The following TRIM44 variants were observed in gnomAD, a reference collection of about 807,000 sequenced individuals.
TRIM44 encodes tripartite motif-containing protein 44.
A neutral mutation model predicts 37.4 loss-of-function variants in TRIM44; 13 were observed. The ratio of observed to expected loss-of-function variants is 0.35; its 90% CI spans 0.23 to 0.55. TRIM44 has a LOEUF of 0.55. Ranked by LOEUF, TRIM44 falls within the 20% of genes least tolerant of loss-of-function variation. TRIM44 has a pLI of 0.89. For synonymous variants in TRIM44, 175 were observed against 157.2 expected, an observed-to-expected ratio of 1.11 and a Z score of -0.85; for missense variants, 426 against 437.2, an observed-to-expected ratio of 0.97 and a Z score of 0.23.
At chr11:35,771,874 G>C (rs1400561394) in intron 4 of TRIM44, among the ~76,000 whole-genome samples, 1 of 152,146 alleles carries the variant, frequency 6.6e-6, no homozygotes, top group Middle Eastern at 3.2e-3. Context: ...TGCATAAGGG[G>C]AGCCGAATGT....
At chr11:35,718,284 AC>A (rs1590538658) in intron 2 of TRIM44, among the ~76,000 whole-genome samples, 2 of 151,940 alleles carry the variant, frequency 1.3e-5, no homozygotes, top group East Asian at 3.8e-4. Context: ...TTTGATGGTC[AC>A]CCCACCCCCA....
At chr11:35,746,299 G>A (rs1852489823) in intron 4 of TRIM44, among the ~76,000 whole-genome samples, 1 of 152,138 alleles carries the variant, frequency 6.6e-6, no homozygotes, top group African/African-American at 2.4e-5. Flanking sequence ...CTCACCTGTG[G>A]ACAGCCACAG....
At chr11:35,765,406 T>G (rs1026634835) in intron 4 of TRIM44, among the ~76,000 whole-genome samples, 4 of 152,198 alleles carry the variant, frequency 2.6e-5, no homozygotes, top group Admixed American at 1.3e-4. Flanking sequence ...TATGACTAGT[T>G]CTTCCTAGGA....
At chr11:35,766,531 T>TCCTACATGCC (rs1852800851) in intron 4 of TRIM44, among the ~76,000 whole-genome samples, 1 of 152,348 alleles carries the variant, frequency 6.6e-6, no homozygotes, top group South Asian at 2.1e-4. Context: ...AACAGAGTGC[T>TCCTACATGCC]CCTACATGCC....
rs1852170213 is a variant in TRIM44, at chr11:35,726,021, A to G, written c.845A>G (p.Asp282Gly). Reference sequence around the variant, plus strand: ...GAGCAGAAGGCCCTTCATCTAGTGGACATCCAAGAGGCAATGGCCACAGCT... The same window carrying G: ...GAGCAGAAGGCCCTTCATCTAGTGGGCATCCAAGAGGCAATGGCCACAGCT... ...DEEQKALHLV[D>G]IQEAMATAHV... Residue 282 changes from aspartate (D) to glycine (G), a missense_variant, in exon 3 of 5, where the codon GAC becomes GGC. Physicochemically the swap from Asp to Gly is moderately conservative, Grantham distance 94 (BLOSUM62 -1). Transcript: ENST00000299413. 2 of 1,614,034 alleles carry G rather than the reference A, an allele frequency of 1.2e-6. No individual in the cohort carries two copies. Among genetic ancestry groups the G allele is most frequent in the Non-Finnish European group, 8.5e-7 (1 of 1,180,028 alleles).
chr11:35,784,276 A>G (rs1348653586), intron 4 of TRIM44, among the ~76,000 whole-genome samples: 1 of 152,194 alleles, frequency 6.6e-6, no homozygotes, highest in Admixed American at 6.5e-5. Flanking sequence ...TTTCAGATAC[A>G]TCTGTGCCAA....
intron 4 of TRIM44, among the ~76,000 whole-genome samples, chr11:35,746,190 A>AT (rs1021228374): frequency 6.6e-6 from 1 of 152,156 alleles, no homozygotes; most frequent in African/African-American, 2.4e-5. Flanking sequence ...CTTCATAGCT[A>AT]TTTTGGATTA....
At chr11:35,721,455 A>T (rs1347089410) in intron 2 of TRIM44, among the ~76,000 whole-genome samples, 1 of 152,220 alleles carries the variant, frequency 6.6e-6, no homozygotes, top group African/African-American at 2.4e-5. Context: ...AATAGTAAAT[A>T]CCATTATATT....
intron 4 of TRIM44, among the ~76,000 whole-genome samples, chr11:35,747,225 A>C (rs1404862467): frequency 2.0e-5 from 3 of 152,256 alleles, no homozygotes. Flanking sequence ...GTCCAGGGTT[A>C]ATAGTTATCC....
intron 4 of TRIM44, among the ~76,000 whole-genome samples, chr11:35,748,852 A>G (rs1852527227): frequency 6.6e-6 from 1 of 152,176 alleles, no homozygotes; most frequent in Non-Finnish European, 1.5e-5. Flanking sequence ...ACTTGGTTCT[A>G]TGGCTCAGGT....
intron 3 of TRIM44, among the ~76,000 whole-genome samples, chr11:35,727,904 C>T (rs1852202327): frequency 6.6e-6 from 1 of 152,312 alleles, no homozygotes; most frequent in Admixed American, 6.5e-5. Context: ...CAGTTTGTGT[C>T]TTAATAAACA....
At chr11:35,804,813 G>A (rs1853427367) in intron 4 of TRIM44, among the ~76,000 whole-genome samples, 1 of 152,202 alleles carries the variant, frequency 6.6e-6, no homozygotes. Context: ...TTGGAATGGT[G>A]AAGATTATTG....
At chr11:35,678,380 AT>A (rs901839194) in intron 1 of TRIM44, among the ~76,000 whole-genome samples, 1 of 151,856 alleles carries the variant, frequency 6.6e-6, no homozygotes, top group African/African-American at 2.4e-5. Context: ...TTGCTGATGG[AT>A]TTTTTTTCAG....
chr11:35,693,709 C>G (rs1219219029), intron 2 of TRIM44, among the ~76,000 whole-genome samples: 1 of 152,108 alleles, frequency 6.6e-6, no homozygotes, highest in African/African-American at 2.4e-5. Context: ...GTAACCAAAA[C>G]TTAGAGCCTC....
intron 2 of TRIM44, among the ~76,000 whole-genome samples, chr11:35,700,301 G>T (rs1196175081): frequency 6.6e-6 from 1 of 152,168 alleles, no homozygotes; most frequent in African/African-American, 2.4e-5. Flanking sequence ...TTCACACACA[G>T]AATTTTTTTT....
chr11:35,759,532 G>A (rs976787870), intron 4 of TRIM44, among the ~76,000 whole-genome samples: 3 of 152,264 alleles, frequency 2.0e-5, no homozygotes, highest in Middle Eastern at 3.4e-3. Context: ...GCTTTGTTCC[G>A]TTGCTGGTAA....
chr11:35,685,436 G>T (rs1851563940), intron 2 of TRIM44, 100 bp downstream of exon 2: 1 of 971,968 alleles, frequency 1.0e-6, no homozygotes. Flanking sequence ...TCTGAATATT[G>T]CATTAAGATT....
chr11:35,785,088 T>G (rs1279639010), intron 4 of TRIM44, among the ~76,000 whole-genome samples: 1 of 152,202 alleles, frequency 6.6e-6, no homozygotes, highest in Non-Finnish European at 1.5e-5. Flanking sequence ...ACTGAAATGT[T>G]TACTATTTTA....
At chr11:35,716,927 G>A (rs1172741555) in intron 2 of TRIM44, among the ~76,000 whole-genome samples, 1 of 152,090 alleles carries the variant, frequency 6.6e-6, no homozygotes, top group Non-Finnish European at 1.5e-5. Flanking sequence ...CCACCTCTTG[G>A]CATCATCATG....
Sources: gnomAD v4.1 joint callset for allele counts (sites outside exome capture counted in the v4.1 genomes callset) on GRCh38, gnomAD v4.1.1 for gene constraint, MANE v1.5 for transcripts, NCBI Gene and HGNC (gene_info 2026-07-23, HGNC 2026-07-21) for gene names.